The following INPP4A variants were observed in gnomAD, a reference collection of about 807,000 sequenced individuals.
The protein encoded by INPP4A is inositol polyphosphate-4-phosphatase, type I, 107kD.
INPP4A carries 33 observed loss-of-function variants against 119.8 expected under a neutral mutation model. That is an observed-to-expected ratio of 0.28 (90% CI 0.21 to 0.37). The LOEUF (loss-of-function observed/expected upper bound fraction) is 0.37, where lower values mean the gene tolerates loss of function less well. Ranked by LOEUF, INPP4A falls within the 10% of genes least tolerant of loss-of-function variation. INPP4A has a pLI of 1.00. For synonymous variants in INPP4A, 496 were observed against 500.7 expected (o/e 0.99, Z 0.12); for missense variants, 956 against 1,289.9 (o/e 0.74, Z 3.97).
Position 98,554,410 on chromosome 2 carries a change from A to G in INPP4A, c.1487A>G (p.Asp496Gly). ...TEEEQVMLRNDQDTLMARWTG... is the reference protein window; with the variant it reads ...TEEEQVMLRNGQDTLMARWTG... ...GAGGAGCAGGTGATGCTTAGAAATG[A>G]CCAGGACACCCTCATGGCCCGGTGG... The change falls in exon 15 of 25, where the codon GAC becomes GGC. Residue 496 changes from aspartate to glycine, a missense_variant. Physicochemically the swap from Asp to Gly is moderately conservative, Grantham distance 94. Around this residue, in one of 2 missense-constraint regions of INPP4A, gnomAD observed 652 missense variants for 797.9 expected, o/e 0.82. Transcript: ENST00000409851. The surrounding 1 kb of genome is among the most constrained non-coding windows in gnomAD (Gnocchi z 4.7). The G allele has an allele frequency of 1.9e-6, 3 of 1,613,876 alleles. No homozygotes were observed. Among genetic ancestry groups the G allele is most frequent in the Non-Finnish European group, 2.5e-6 (3 of 1,179,856 alleles).
At chr2:98,518,728 A>G (rs905552924) in intron 1 of INPP4A, among the ~76,000 whole-genome samples, 1 of 152,310 alleles carries the variant, frequency 6.6e-6, no homozygotes, top group East Asian at 1.9e-4. Context: ...GCTCTTTAGG[A>G]CAGGCCCAGA....
At chr2:98,494,672 A>G (rs1032323650) in intron 1 of INPP4A, among the ~76,000 whole-genome samples, 1 of 152,220 alleles carries the variant, frequency 6.6e-6, no homozygotes, top group African/African-American at 2.4e-5. Flanking sequence ...AGAGGCCGAT[A>G]AGCAATAGGC....
chr2:98,459,398 AGGACACCCT>A (rs1321728908), intron 1 of INPP4A, among the ~76,000 whole-genome samples: 1 of 152,248 alleles, frequency 6.6e-6, no homozygotes, highest in Non-Finnish European at 1.5e-5. Flanking sequence ...AAAGTCTACC[AGGACACCCT>A]GGAGGGCTGG....
At chr2:98,504,272 T>C in intron 1 of INPP4A, among the ~76,000 whole-genome samples, 1 of 152,218 alleles carries the variant, frequency 6.6e-6, no homozygotes, top group Admixed American at 6.5e-5. Flanking sequence ...CCCTTTTGAT[T>C]TGTTTTAATG....
rs2106587180 is a variant in INPP4A, at chr2:98,593,999, T to C, written c.*6391T>C. 1 of 152,348 alleles carries C rather than the reference T, an allele frequency of 6.6e-6. No individual in the cohort carries two copies. Among genetic ancestry groups the C allele is most frequent in the South Asian group, 2.1e-4 (1 of 4,826 alleles). The allele number at this position is 152,348 out of a possible 1,614,324, so 9.4% of individuals were successfully genotyped here. Reference sequence around the variant, plus strand: ...CTGTCCACTGTCAGTCCCCTCTGTATTCACAAGAGCAAGTGTAATGCCCGC... The same window carrying C: ...CTGTCCACTGTCAGTCCCCTCTGTACTCACAAGAGCAAGTGTAATGCCCGC... On this transcript the variant is annotated 3_prime_UTR_variant, in exon 25 of 25. Coordinates refer to ENST00000409851, the MANE Select transcript of INPP4A (RefSeq NM_001134225.2).
rs373911327 is a variant in INPP4A, at chr2:98,566,058, C to T, written c.2309C>T (p.Pro770Leu). ...GGGTTTAACGTGCGGGTCCCTCTGC[C>T]GGGCCCGCTGTTTGACGCCTTGCCC... ...RDGFNVRVPL[P>L]GPLFDALPRE... The change falls in exon 21 of 25, where the codon CCG becomes CTG. Residue 770 changes from proline (P) to leucine (L), a missense_variant. By Grantham distance (98) the Pro-to-Leu change is moderately conservative (BLOSUM62 -3). This residue lies in a region of INPP4A where 304 missense variants were observed against 492.1 expected (regional missense o/e 0.62). Coordinates refer to ENST00000409851, the MANE Select transcript of INPP4A (RefSeq NM_001134225.2). The surrounding 1 kb of genome is among the most constrained non-coding windows in gnomAD (Gnocchi z 4.2). The T allele has an allele frequency of 8.1e-6, 13 of 1,604,974 alleles. No homozygotes were observed. The highest frequency in any genetic ancestry group is 2.2e-5 in the South Asian group (2 of 89,240).
intron 24 of INPP4A, among the ~76,000 whole-genome samples, chr2:98,586,277 T>A (rs1489084474): frequency 6.6e-6 from 1 of 152,152 alleles, no homozygotes; most frequent in African/African-American, 2.4e-5. Flanking sequence ...GTATTTTACA[T>A]GTTCTTGATA....
intron 10 of INPP4A, among the ~76,000 whole-genome samples, chr2:98,543,608 C>T (rs1458395339): frequency 6.6e-6 from 1 of 152,204 alleles, no homozygotes; most frequent in Non-Finnish European, 1.5e-5. Context: ...CCCACCTCCA[C>T]TTAGTTTCCC....
At chr2:98,472,228 G>T (rs1422639914) in intron 1 of INPP4A, among the ~76,000 whole-genome samples, 1 of 152,236 alleles carries the variant, frequency 6.6e-6, no homozygotes. Flanking sequence ...TTGAGTCCCT[G>T]TTGGGGTCCG....
intron 1 of INPP4A, among the ~76,000 whole-genome samples, chr2:98,477,838 C>G (rs1475796887): frequency 6.6e-6 from 1 of 152,226 alleles, no homozygotes; most frequent in Non-Finnish European, 1.5e-5. Context: ...ATGTGGACAG[C>G]CTGGGCCCTG....
intron 24 of INPP4A, 55 bp downstream of exon 24, chr2:98,577,198 A>G: frequency 6.6e-7 from 1 of 1,507,030 alleles, no homozygotes; most frequent in South Asian, 1.3e-5. Flanking sequence ...TGTAAACTGC[A>G]GATGAGCTGG....
At chr2:98,494,294 T>C (rs1681467534) in intron 1 of INPP4A, among the ~76,000 whole-genome samples, 1 of 152,170 alleles carries the variant, frequency 6.6e-6, no homozygotes, top group African/African-American at 2.4e-5. Flanking sequence ...CCCCTACTCA[T>C]AGGGCAGAGG....
At chr2:98,459,484 G>T (rs1271151818) in intron 1 of INPP4A, among the ~76,000 whole-genome samples, 3 of 152,200 alleles carry the variant, frequency 2.0e-5, no homozygotes, top group East Asian at 1.9e-4. Flanking sequence ...CTCCTCCTTG[G>T]TGTGCAACTG....
chr2:98,512,692 A>C (rs988601130), intron 1 of INPP4A, among the ~76,000 whole-genome samples: 1 of 152,208 alleles, frequency 6.6e-6, no homozygotes, highest in Non-Finnish European at 1.5e-5. Context: ...TCACCTCTTA[A>C]GTGCCCCGCC....
chr2:98,580,241 A>T (rs1396097711), intron 24 of INPP4A, among the ~76,000 whole-genome samples: 1 of 141,426 alleles, frequency 7.1e-6, no homozygotes, highest in Non-Finnish European at 1.5e-5. Flanking sequence ...AGAGTAGAGC[A>T]TGCAGGTGGG....
chr2:98,490,730 C>T (rs984007307), intron 1 of INPP4A, among the ~76,000 whole-genome samples: 6 of 152,132 alleles, frequency 3.9e-5, no homozygotes, highest in Non-Finnish European at 5.9e-5. Flanking sequence ...CCTGGGCCTC[C>T]GAGTAGATGA....
At chr2:98,559,219 A>G (rs1695021687) in intron 16 of INPP4A, among the ~76,000 whole-genome samples, 1 of 152,242 alleles carries the variant, frequency 6.6e-6, no homozygotes, top group Admixed American at 6.5e-5. Context: ...TATTGGCAAC[A>G]TGAATGTTTA....
intron 1 of INPP4A, among the ~76,000 whole-genome samples, chr2:98,516,116 T>A (rs151282342): frequency 1.5e-3 from 231 of 152,266 alleles, no homozygotes; most frequent in African/African-American, 5.3e-3. Flanking sequence ...GGTCTTCAAA[T>A]GGAGCTGGGA....
intron 1 of INPP4A, among the ~76,000 whole-genome samples, chr2:98,468,254 G>T (rs560780215): frequency 1.3e-5 from 2 of 152,294 alleles, no homozygotes; most frequent in South Asian, 4.1e-4. Context: ...TTGATTGATT[G>T]AGACAGGGTC....
Sources: gnomAD v4.1 joint callset for allele counts (sites outside exome capture counted in the v4.1 genomes callset) on GRCh38, gnomAD v4.1.1 for gene constraint, gnomAD v4.1.1 regional missense constraint, Gnocchi (gnomAD v3.1) non-coding constraint, MANE v1.5 for transcripts, NCBI Gene and HGNC (gene_info 2026-07-23, HGNC 2026-07-21) for gene names.